Variants in SH2D1B observed in about 807,000 individuals in gnomAD.
The protein encoded by SH2D1B is SH2 domain containing 1B.
Under a neutral mutation model 16.3 loss-of-function variants are expected in SH2D1B, and 11 were observed. That is an observed-to-expected ratio of 0.67 (90% CI 0.42 to 1.11). SH2D1B has a LOEUF of 1.11. Among genes scored for constraint, SH2D1B ranks in the 50% most tolerant of loss-of-function variants. The probability of loss-of-function intolerance (pLI) is 0.00; values close to 1 mark genes in which losing one functional copy is unlikely to be tolerated. For missense variants in SH2D1B, 123 were observed against 153.1 expected (o/e 0.80, Z 1.04); for synonymous variants, 55 against 56.1 (o/e 0.98, Z 0.09).
Position 162,408,106 on chromosome 1 carries a change from G to A in SH2D1B, c.134+3777C>T, listed in dbSNP as rs1030645700. Among the ~76,000 whole-genome samples the A allele has an allele frequency of 2.0e-5, 3 of 152,114 alleles. No individual in the cohort carries two copies. In the South Asian group the frequency reaches 6.2e-4, roughly 32 times the overall value. On this transcript the variant is annotated intron_variant, in intron 1 of 3. Coordinates refer to ENST00000367929, the MANE Select transcript of SH2D1B (RefSeq NM_053282.5). ...CACTAGGCTCTGAGTTGTGTTGAAG[G>A]CATCAACCGAGTGTCTAGCACACTG...
chr1:162,400,010 T>C (rs1648469825), intron 2 of SH2D1B, among the ~76,000 whole-genome samples: 1 of 152,210 alleles, frequency 6.6e-6, no homozygotes, highest in Admixed American at 6.5e-5. Flanking sequence ...TGGAGAACAG[T>C]TAGGCTGCTT....
intron 3 of SH2D1B, among the ~76,000 whole-genome samples, chr1:162,397,888 C>G (rs903776682): frequency 6.6e-6 from 1 of 152,054 alleles, no homozygotes; most frequent in African/African-American, 2.4e-5. Context: ...AGATCTGCCA[C>G]ACTGTATACT....
intron 1 of SH2D1B, among the ~76,000 whole-genome samples, chr1:162,403,880 T>C (rs1648589648): frequency 6.6e-6 from 1 of 151,796 alleles, no homozygotes; most frequent in Admixed American, 6.6e-5. Flanking sequence ...ATACGTGGCA[T>C]CTAAAAAAAG....
In SH2D1B at chr1:162,395,762, G is replaced by C. The variant is rs1298372171; in HGVS notation, c.*1518C>G. On this transcript the variant is annotated 3_prime_UTR_variant, in exon 4 of 4. Coordinates refer to ENST00000367929, the MANE Select transcript of SH2D1B (RefSeq NM_053282.5). ...ATATCATTTACAGCAACTAGAAATA[G>C]GAATTAATCTAACAGAATATACAAG... 1 of 152,092 alleles carries C rather than the reference G, an allele frequency of 6.6e-6. No homozygotes were observed. The highest frequency in any genetic ancestry group is 1.5e-5 in the Non-Finnish European group (1 of 68,030). The allele number at this position is 152,092 out of a possible 1,614,324, so 9.4% of individuals were successfully genotyped here. A position where few individuals can be genotyped will look rare whatever the true frequency, so the allele number is the denominator to read the frequency against.
At chr1:162,403,502 AAAAAAAAAAATATAT>A (rs1648573982) in intron 1 of SH2D1B, among the ~76,000 whole-genome samples, 1 of 44,302 alleles carries the variant, frequency 2.3e-5, no homozygotes, top group African/African-American at 7.1e-5. Context: ...AAAAAAAAAA[AAAAAAAAAAATATAT>A]ATATATATAT....
intron 1 of SH2D1B, among the ~76,000 whole-genome samples, chr1:162,411,219 G>A (rs1012415610): frequency 6.6e-6 from 1 of 152,202 alleles, no homozygotes; most frequent in Non-Finnish European, 1.5e-5. Context: ...GCCTCCCAAA[G>A]TGTTGGGATT....
intron 2 of SH2D1B, among the ~76,000 whole-genome samples, chr1:162,400,096 T>C (rs1648475190): frequency 6.6e-6 from 1 of 152,228 alleles, no homozygotes; most frequent in African/African-American, 2.4e-5. Flanking sequence ...TGATTCCATG[T>C]CTTTAAAATA....
chr1:162,400,612 A>G (rs1234017952), intron 2 of SH2D1B, among the ~76,000 whole-genome samples: 1 of 151,750 alleles, frequency 6.6e-6, no homozygotes, highest in Non-Finnish European at 1.5e-5. Flanking sequence ...CCCACCAAGC[A>G]CTATTTTCTA....
chr1:162,405,177 A>T (rs568250125), intron 1 of SH2D1B, among the ~76,000 whole-genome samples: 1 of 152,380 alleles, frequency 6.6e-6, no homozygotes, highest in South Asian at 2.1e-4. Context: ...ATGACTACAT[A>T]CTCTATGATT....
chr1:162,409,421 C>T (rs1648741155), intron 1 of SH2D1B, among the ~76,000 whole-genome samples: 1 of 152,126 alleles, frequency 6.6e-6, no homozygotes, highest in Non-Finnish European at 1.5e-5. Flanking sequence ...ATGATCTTAT[C>T]CCACCCTCCT....
intron 1 of SH2D1B, among the ~76,000 whole-genome samples, chr1:162,403,247 T>C (rs2101860391): frequency 6.6e-6 from 1 of 151,886 alleles, no homozygotes; most frequent in Non-Finnish European, 1.5e-5. Context: ...TCCCAACACT[T>C]TGGGAGGCTG....
chr1:162,403,511 A>AATATAT (rs201259868), intron 1 of SH2D1B, among the ~76,000 whole-genome samples: 38 of 41,974 alleles, frequency 9.1e-4, no homozygotes, highest in African/African-American at 1.5e-3. Flanking sequence ...AAAAAAAAAA[A>AATATAT]ATATATATAT....
intron 1 of SH2D1B, among the ~76,000 whole-genome samples, chr1:162,410,656 C>CTTTT: frequency 7.7e-6 from 1 of 129,980 alleles, no homozygotes; most frequent in Non-Finnish European, 1.6e-5. Context: ...TTTTCTTTTT[C>CTTTT]TTTTTTTTTT....
intron 2 of SH2D1B, among the ~76,000 whole-genome samples, chr1:162,401,177 C>A (rs1056944471): frequency 2.0e-5 from 3 of 152,200 alleles, no homozygotes; most frequent in African/African-American, 7.2e-5. Flanking sequence ...GGCATCACTG[C>A]AGGCTTCTAA....
rs926681029 is a variant in SH2D1B, at chr1:162,402,648, C to T, written c.198+91G>A. On this transcript the variant is annotated intron_variant, in intron 2 of 3. Transcript: ENST00000367929. ...TGTGCTTTCCTTTTTAGAATGCTTT[C>T]GCACAGTCATGGCTCAGGTAAAAGA... is the stretch of plus-strand genomic sequence containing the variant. 75 of 1,075,262 alleles carry T rather than the reference C, an allele frequency of 7.0e-5. No individual in the cohort carries two copies. The African/African-American group carries it at 9.8e-4, about 14-fold the overall frequency. The allele number at this position is 1,075,262 out of a possible 1,614,324, so 66.6% of individuals were successfully genotyped here.
chr1:162,408,499 G>A (rs1167519877), intron 1 of SH2D1B, among the ~76,000 whole-genome samples: 2 of 143,440 alleles, frequency 1.4e-5, no homozygotes, highest in African/African-American at 2.6e-5. Flanking sequence ...TGCAACCTCC[G>A]CCTCCTGGGT....
rs765738687 is a variant in SH2D1B at position 162,411,917 on chromosome 1, C to T, written c.100G>A (p.Glu34Lys). Residue 34 changes from glutamate (E) to lysine (K), a missense_variant, in exon 1 of 4, where the codon GAG (glutamate) becomes AAG (lysine). Glu to Lys is a moderately conservative substitution (Grantham distance 56). Transcript: ENST00000367929. ...AGGCACAGGACTCCTGGTATCGACT[C>T]GCTGTCTCTTAAAAGAAAGTTGCCA... The part of the protein sequence containing the change: ...VDGNFLLRDS[E>K]SIPGVLCLCV... 5.0e-6 allele frequency: 8 copies of T among 1,614,042 alleles called. No individual in the cohort carries two copies. Among genetic ancestry groups the T allele is most frequent in the South Asian group, 4.4e-5 (4 of 91,084 alleles).
intron 1 of SH2D1B, 62 bp from the exon 2 acceptor site, chr1:162,402,864 TTA>T: frequency 7.7e-7 from 1 of 1,305,246 alleles, no homozygotes; most frequent in South Asian, 1.2e-5. Flanking sequence ...ACATCTATCG[TTA>T]TGTTTCATAT....
rs764742025 is a variant in SH2D1B, at chr1:162,397,282, A to G, written c.397T>C (p.Ter133ArgextTer2). ...TGCTTTGTCCGGCAGCCTTATCTTC[A>G]AGGCAAGACATCCACATAATCGCTG... is the stretch of plus-strand genomic sequence containing the variant. Reference protein sequence around the residue: ...SNSDYVDVLP* With the variant: ...SNSDYVDVLPR The change falls in exon 4 of 4, where the codon TGA becomes CGA. Residue 133 changes from the stop codon to arginine (R), a stop_lost. Transcript: ENST00000367929. The G allele has an allele frequency of 1.2e-5, 19 of 1,613,730 alleles. No individual in the cohort carries two copies. The East Asian group carries it at 3.8e-4, about 32-fold the overall frequency.
Sources: allele counts gnomAD v4.1 joint callset (sites outside exome capture counted in the v4.1 genomes callset), GRCh38; gene constraint gnomAD v4.1.1; transcripts MANE v1.5; gene names NCBI Gene and HGNC (gene_info 2026-07-23, HGNC 2026-07-21).